Variants in ZNF487 observed in about 807,000 individuals in gnomAD.
ZNF487 encodes zinc finger protein 487, also known as KRAB domain only 1.
In ZNF487, 4 loss-of-function variants were observed where a neutral mutation model predicts 3.0. That is an observed-to-expected ratio of 1.35 (90% confidence interval 0.66 to 3.08). The LOEUF (loss-of-function observed/expected upper bound fraction) is 3.08, where lower values mean the gene tolerates loss of function less well. Ranked by LOEUF, ZNF487 falls within the 30% of genes most tolerant of loss-of-function variation. ZNF487 has a pLI of 0.01. For synonymous variants in ZNF487, 55 were observed against 34.6 expected (o/e 1.59, Z -2.06); for missense variants, 146 against 98.7 (o/e 1.48, Z -2.03).
At chr10:43,498,273 T>G in the ZNF487 span, among the ~76,000 whole-genome samples, 2 of 119,038 alleles carry the variant, frequency 1.7e-5, 1 homozygote, top group African/African-American at 6.7e-5. Context: ...TATATATATA[T>G]ATTTTTTTCT....
Position 43,482,421 on chromosome 10 carries a change from C to A in ZNF487, c.*499C>A. 1 of 470,330 alleles carries A rather than the reference C, an allele frequency of 2.1e-6. No homozygotes were observed. The highest frequency in any genetic ancestry group is 1.5e-5 in the South Asian group (1 of 64,942). 29.1% of individuals were successfully genotyped at this position (470,330 alleles called of 1,614,324 possible). On this transcript the variant is annotated 3_prime_UTR_variant, in exon 4 of 4. Transcript: ENST00000437590. Reference sequence around the variant, plus strand: ...AGAGGAGAGAAACCCTATGAATGCACTGAATGTGGGAAAACTTTTGGATAT... The same window carrying A: ...AGAGGAGAGAAACCCTATGAATGCAATGAATGTGGGAAAACTTTTGGATAT...
chr10:43,476,488 A>G (rs1841105755), intron 3 of ZNF487, among the ~76,000 whole-genome samples: 1 of 152,058 alleles, frequency 6.6e-6, no homozygotes, highest in South Asian at 2.1e-4. Flanking sequence ...TATCAATTTC[A>G]GTTATCTTCT....
chr10:43,496,839 TA>T, the ZNF487 span, among the ~76,000 whole-genome samples: 3 of 152,124 alleles, frequency 2.0e-5, no homozygotes, highest in African/African-American at 7.2e-5. Flanking sequence ...GGTCTTTTTT[TA>T]AGACTTTTAT....
the ZNF487 span, chr10:43,523,821 A>G: frequency 6.6e-6 from 1 of 152,152 alleles, no homozygotes; most frequent in Non-Finnish European, 1.5e-5. Context: ...CTACGAGTTT[A>G]ATTGCTGTGG....
At chr10:43,445,661 AATTTT>A (rs998432677) in intron 1 of ZNF487, among the ~76,000 whole-genome samples, 1 of 151,762 alleles carries the variant, frequency 6.6e-6, no homozygotes, top group Non-Finnish European at 1.5e-5. Flanking sequence ...GATCCTCAAA[AATTTT>A]ATTTTATTTT....
the ZNF487 span, among the ~76,000 whole-genome samples, chr10:43,517,220 G>C: frequency 5.3e-5 from 8 of 152,224 alleles, no homozygotes; most frequent in Non-Finnish European, 1.0e-4. Flanking sequence ...TTGGTAATCT[G>C]AGGGCCATTT....
intron 1 of ZNF487, among the ~76,000 whole-genome samples, chr10:43,461,217 G>A (rs1564419615): frequency 6.6e-6 from 1 of 151,950 alleles, no homozygotes; most frequent in Non-Finnish European, 1.5e-5. Flanking sequence ...ATGTTTGTCA[G>A]GCTGGTCTCA....
rs562894133 is a variant in ZNF487 at position 43,480,142 on chromosome 10, C to G, written c.131-1287C>G. Among the ~76,000 whole-genome samples the G allele has an allele frequency of 3.4e-5, 5 of 148,346 alleles. No individual in the cohort carries two copies. In the East Asian group the frequency reaches 9.9e-4, roughly 29 times the overall value. On this transcript the variant is annotated intron_variant, in intron 3 of 3. Transcript: ENST00000437590. ...CTTTTTTTTGAGATGGAGTCTTGCT[C>G]TCTTGCCCAGGCTGGAGTGCAGTGG...
chr10:43,523,543 A>C, the ZNF487 span: 2 of 152,244 alleles, frequency 1.3e-5, no homozygotes, highest in Non-Finnish European at 2.9e-5. Flanking sequence ...GAGCATCCTT[A>C]TGCCAGAGAG....
chr10:43,460,716 A>G (rs1223358217), intron 1 of ZNF487, among the ~76,000 whole-genome samples: 1 of 150,566 alleles, frequency 6.6e-6, no homozygotes, highest in Admixed American at 6.6e-5. Flanking sequence ...TTTTTGAGAA[A>G]GAGTCTCACT....
At chr10:43,483,299 GGCGT>G (rs1841433341), downstream of ZNF487, 47 of 360,590 alleles carry the variant, frequency 1.3e-4, 1 homozygote, top group South Asian at 1.0e-3. Flanking sequence ...GGAGTGCAAT[GGCGT>G]GATCTTGGCT....
intron 1 of ZNF487, among the ~76,000 whole-genome samples, chr10:43,444,702 G>C (rs1839737542): frequency 6.6e-6 from 1 of 152,066 alleles, no homozygotes. Flanking sequence ...CCAAGTGGCT[G>C]GGACCACAGG....
At chr10:43,476,736 G>A (rs1232843115) in intron 3 of ZNF487, among the ~76,000 whole-genome samples, 3 of 152,142 alleles carry the variant, frequency 2.0e-5, no homozygotes, top group African/African-American at 7.2e-5. Context: ...CCTGTGCTGT[G>A]AACCTTAGGC....
intron 1 of ZNF487, among the ~76,000 whole-genome samples, chr10:43,455,511 C>G (rs184703279): frequency 6.6e-6 from 1 of 152,386 alleles, no homozygotes; most frequent in East Asian, 1.9e-4. Context: ...GGTCTTTTGT[C>G]CACGTCCGGG....
the ZNF487 span, among the ~76,000 whole-genome samples, chr10:43,491,176 G>T: frequency 1.3e-5 from 2 of 151,030 alleles, no homozygotes; most frequent in Non-Finnish European, 2.9e-5. Flanking sequence ...GTTTCACCAT[G>T]TTGGTTAGGA....
the ZNF487 span, among the ~76,000 whole-genome samples, chr10:43,518,851 T>C: frequency 0.7 from 106,736 of 152,078 alleles, 37,867 homozygotes; most frequent in East Asian, 0.99. Flanking sequence ...TTTTATCACT[T>C]TCTCACTTGT....
chr10:43,516,609 C>CT, the ZNF487 span, among the ~76,000 whole-genome samples: 1 of 152,154 alleles, frequency 6.6e-6, no homozygotes, highest in Non-Finnish European at 1.5e-5. Flanking sequence ...ACTGAAGAGT[C>CT]TGATGTTTGA....
Position 43,482,740 on chromosome 10 carries a change from G to A in ZNF487, c.*818G>A. ...CATCAGTGAACTCACACAGGAGAGA[G>A]ACCCTTTGAATGCAATGAATGTCAA... On this transcript the variant is annotated 3_prime_UTR_variant, in exon 4 of 4. Coordinates refer to ENST00000437590, the MANE Select transcript of ZNF487 (RefSeq NM_001355444.3). The A allele has an allele frequency of 2.2e-6, 1 of 464,190 alleles. No homozygotes were observed. Among genetic ancestry groups the A allele is most frequent in the South Asian group, 1.7e-5 (1 of 60,194 alleles). 28.8% of individuals were successfully genotyped at this position (464,190 alleles called of 1,614,324 possible). A position where few individuals can be genotyped will look rare whatever the true frequency, so the allele number is the denominator to read the frequency against.
chr10:43,498,075 T>TTTTATA, the ZNF487 span, among the ~76,000 whole-genome samples: 43 of 35,022 alleles, frequency 1.2e-3, no homozygotes, highest in South Asian at 3.8e-3. Flanking sequence ...ATTTGGTATT[T>TTTTATA]TATATATATA....
Sources: allele counts gnomAD v4.1 joint callset (sites outside exome capture counted in the v4.1 genomes callset), GRCh38; gene constraint gnomAD v4.1.1; transcripts MANE v1.5; gene names NCBI Gene and HGNC (gene_info 2026-07-23, HGNC 2026-07-21).